CDH12: variants seen among roughly 807,000 people sequenced by gnomAD.
CDH12 encodes the protein cadherin-12.
In CDH12, 41 loss-of-function variants were observed where a neutral mutation model predicts 74.1. That is an observed-to-expected ratio of 0.55 (90% CI 0.43 to 0.72). CDH12 has a LOEUF of 0.72. Ranked by LOEUF, CDH12 falls within the 30% of genes least tolerant of loss-of-function variation. The pLI, the probability that CDH12 is intolerant of heterozygous loss-of-function variation, is 0.00. For missense variants in CDH12, 945 were observed against 977.2 expected (o/e 0.97, Z 0.44); for synonymous variants, 399 against 355.0 (o/e 1.12, Z -1.39).
At chr5:22,001,383 C>T in intron 5 of CDH12, among the ~76,000 whole-genome samples, 1 of 152,112 alleles carries the variant, frequency 6.6e-6, no homozygotes, top group Non-Finnish European at 1.5e-5. Context: ...TTAAAATGCT[C>T]ACTCCTCCCA....
chr5:22,094,171 C>T (rs1366026233), intron 4 of CDH12, among the ~76,000 whole-genome samples: 2 of 152,128 alleles, frequency 1.3e-5, no homozygotes, highest in Non-Finnish European at 2.9e-5. Flanking sequence ...ACAAAGGCAG[C>T]ACACTCCTTT....
rs962324490 is a variant in CDH12, at chr5:21,872,789, T to C, written c.527-17999A>G. ...TCTGCCATGTTAAGAGTAAGATCTA[T>C]CTATCTATCTATCTATCTATCTATC... On this transcript the variant is annotated intron_variant, in intron 6 of 14. Transcript: ENST00000382254. 2.7e-3 allele frequency among the ~76,000 whole-genome samples: 285 copies of C among 104,406 alleles called. 1 individual carries two copies. The highest frequency in any genetic ancestry group is 0.012 in the African/African-American group (269 of 21,836). The allele number at this position is 104,406 out of a possible 152,430, so 68.5% of individuals were successfully genotyped here.
intron 3 of CDH12, among the ~76,000 whole-genome samples, chr5:22,274,693 TATG>T (rs1291221604): frequency 2.6e-5 from 4 of 152,090 alleles, no homozygotes; most frequent in Non-Finnish European, 5.9e-5. Context: ...TGTGAATATA[TATG>T]ATGAACTATA....
At chr5:21,972,543 C>G (rs1439101519) in intron 6 of CDH12, among the ~76,000 whole-genome samples, 1 of 151,980 alleles carries the variant, frequency 6.6e-6, no homozygotes, top group Non-Finnish European at 1.5e-5. Flanking sequence ...CTATTTCCAC[C>G]TGGTAAGAAG....
chr5:21,925,655 G>T (rs1176021127), intron 6 of CDH12, among the ~76,000 whole-genome samples: 1 of 151,972 alleles, frequency 6.6e-6, no homozygotes, highest in Non-Finnish European at 1.5e-5. Context: ...TGCTCTTTCT[G>T]TGCATATATT....
rs11431054 is a variant in CDH12 at position 21,831,067 on chromosome 5, C to CAAA, written c.814+11091_814+11093dup. Among the ~76,000 whole-genome samples the CAAA allele has an allele frequency of 9.2e-4, 138 of 149,914 alleles. 1 individual carries two copies. The highest frequency in any genetic ancestry group is 1.5e-3 in the Non-Finnish European group (102 of 67,340). ...AAAAGAAAACAAAAACAAAAACAAA[C>CAAA]AAAAAAAAACCAAGCAAACAAACAA... On this transcript the variant is annotated intron_variant, in intron 8 of 14. Transcript: ENST00000382254.
At chr5:22,100,835 G>A (rs79962223) in intron 4 of CDH12, among the ~76,000 whole-genome samples, 17,745 of 151,962 alleles carry the variant, frequency 0.12, 1,386 homozygotes, top group Admixed American at 0.18. Flanking sequence ...ATATAAATGG[G>A]TTTTCTTATT....
At chr5:22,723,135 T>G (rs1743983803) in intron 1 of CDH12, among the ~76,000 whole-genome samples, 1 of 152,200 alleles carries the variant, frequency 6.6e-6, no homozygotes. Flanking sequence ...TATAAGGCTT[T>G]CATTTTATAG....
chr5:22,585,989 G>T (rs771935387), intron 1 of CDH12, among the ~76,000 whole-genome samples: 2 of 151,912 alleles, frequency 1.3e-5, no homozygotes, highest in Non-Finnish European at 2.9e-5. Context: ...CCCATTACTG[G>T]GTATATACCC....
At chr5:22,135,986 C>G (rs1361686466) in intron 4 of CDH12, among the ~76,000 whole-genome samples, 1 of 151,884 alleles carries the variant, frequency 6.6e-6, no homozygotes, top group African/African-American at 2.4e-5. Flanking sequence ...TTCACAGTAC[C>G]TATTATGGTC....
intron 2 of CDH12, among the ~76,000 whole-genome samples, chr5:22,422,879 C>T (rs1743716324): frequency 6.6e-6 from 1 of 152,074 alleles, no homozygotes; most frequent in African/African-American, 2.4e-5. Context: ...CGGATTGGAA[C>T]TCCATTATAT....
intron 1 of CDH12, among the ~76,000 whole-genome samples, chr5:22,592,031 T>G (rs1736358855): frequency 6.6e-6 from 1 of 152,196 alleles, no homozygotes; most frequent in Admixed American, 6.5e-5. Context: ...TTTAATGTTT[T>G]ACCATAGTCA....
intron 1 of CDH12, among the ~76,000 whole-genome samples, chr5:22,520,376 C>T (rs1051764644): frequency 1.3e-5 from 2 of 152,032 alleles, no homozygotes; most frequent in Non-Finnish European, 2.9e-5. Flanking sequence ...ATGCATGCAA[C>T]ATTTTTTGAT....
At chr5:22,600,841 A>T (rs981066767) in intron 1 of CDH12, among the ~76,000 whole-genome samples, 1 of 152,084 alleles carries the variant, frequency 6.6e-6, no homozygotes, top group Non-Finnish European at 1.5e-5. Flanking sequence ...TGTGTGACTT[A>T]CAGTAATTCA....
At chr5:21,795,852 A>G (rs1746750116) in intron 10 of CDH12, among the ~76,000 whole-genome samples, 1 of 152,002 alleles carries the variant, frequency 6.6e-6, no homozygotes, top group African/African-American at 2.4e-5. Flanking sequence ...AATGCAAACC[A>G]GCTACTTTGA....
chr5:22,838,214 T>C (rs1736919988), intron 1 of CDH12, among the ~76,000 whole-genome samples: 1 of 152,142 alleles, frequency 6.6e-6, no homozygotes, highest in African/African-American at 2.4e-5. Context: ...TGTAGACCCG[T>C]AGAAGTAGTT....
chr5:22,526,109 TAG>T lies in CDH12; in HGVS notation c.-522-20747_-522-20746del, dbSNP rs1450201532. On this transcript the variant is annotated intron_variant, in intron 1 of 14. Transcript: ENST00000382254. ...TCTTCACTAATATGAAAAATATTTA[TAG>T]AGTGTCTATTATATGTTAGTCTACT... Among the ~76,000 whole-genome samples the T allele has an allele frequency of 2.0e-5, 3 of 152,282 alleles. No individual in the cohort carries two copies. The South Asian group carries it at 6.2e-4, about 32-fold the overall frequency.
chr5:22,780,150 C>G (rs1175265927), intron 1 of CDH12, among the ~76,000 whole-genome samples: 1 of 151,988 alleles, frequency 6.6e-6, no homozygotes, highest in Non-Finnish European at 1.5e-5. Context: ...CTTTTGGAGG[C>G]CAAGGGAGGA....
At chr5:22,086,542 T>C (rs1743081028) in intron 4 of CDH12, among the ~76,000 whole-genome samples, 1 of 151,820 alleles carries the variant, frequency 6.6e-6, no homozygotes, top group Admixed American at 6.6e-5. Context: ...TGTTTGTTTG[T>C]TTTTTGCATT....
Sources: allele counts gnomAD v4.1 joint callset (sites outside exome capture counted in the v4.1 genomes callset), GRCh38; gene constraint gnomAD v4.1.1; transcripts MANE v1.5; gene names NCBI Gene and HGNC (gene_info 2026-07-23, HGNC 2026-07-21).